Variants in MIER1 observed in about 807,000 individuals in gnomAD.
MIER1 encodes MIER1 transcriptional regulator.
In MIER1, 40 loss-of-function variants were observed where a neutral mutation model predicts 75.7. That is an observed-to-expected ratio of 0.53 (90% CI 0.41 to 0.69). The LOEUF is 0.69. MIER1 is among the 30% of genes least tolerant of loss of function. The pLI, the probability that MIER1 is intolerant of heterozygous loss-of-function variation, is 0.00. For missense variants in MIER1, 574 were observed against 680.2 expected (o/e 0.84, Z 1.74); for synonymous variants, 213 against 223.4 (o/e 0.95, Z 0.42).
chr1:66,941,427 A>G (rs981796205), intron 3 of MIER1, among the ~76,000 whole-genome samples: 1 of 149,470 alleles, frequency 6.7e-6, no homozygotes, highest in Non-Finnish European at 1.5e-5. Flanking sequence ...ATTATTTCCG[A>G]TTTTTTTTTT....
chr1:66,962,416 C>A (rs558424433), intron 7 of MIER1, among the ~76,000 whole-genome samples: 11 of 152,250 alleles, frequency 7.2e-5, no homozygotes, highest in African/African-American at 2.6e-4. Context: ...TTTCAGACTT[C>A]AGTCTATGTC....
chr1:66,970,801 A>G lies in MIER1; in HGVS notation c.773-7A>G. The G allele has an allele frequency of 6.5e-7, 1 of 1,535,494 alleles. No individual in the cohort carries two copies. The highest frequency in any genetic ancestry group is 8.7e-7 in the Non-Finnish European group (1 of 1,147,530). ...AATTTGTTTAACATTGTCTTTTACT[A>G]ATTTAGTATATGAAAATGATGATCA... On this transcript the variant is annotated splice_polypyrimidine_tract_variant and splice_region_variant and intron_variant, in intron 8 of 13. Coordinates refer to ENST00000401041, the MANE Select transcript of MIER1 (RefSeq NM_001077700.3).
At chr1:66,977,350 T>C (rs1439120024) in intron 12 of MIER1, among the ~76,000 whole-genome samples, 3 of 152,114 alleles carry the variant, frequency 2.0e-5, no homozygotes, top group Non-Finnish European at 2.9e-5. Context: ...CCTCAAATGA[T>C]CCACCTGCCT....
intron 6 of MIER1, 51 bp from the exon 7 acceptor site, chr1:66,959,628 T>G (rs2985794): frequency 0.76 from 660,045 of 866,350 alleles, 253,447 homozygotes; most frequent in East Asian, 0.91. Flanking sequence ...ATATGTAGAT[T>G]TAGACAGGAT....
intron 8 of MIER1, among the ~76,000 whole-genome samples, chr1:66,969,545 CAAAAAAAAAAAAAAA>C (rs35924256): frequency 6.1e-4 from 39 of 63,544 alleles, no homozygotes; most frequent in East Asian, 1.9e-3. Flanking sequence ...ACTTCGTCTC[CAAAAAAAAAAAAAAA>C]AAAAAAAAAA....
intron 10 of MIER1, 71 bp downstream of exon 10, chr1:66,971,807 G>A: frequency 1.3e-6 from 1 of 767,318 alleles, no homozygotes; most frequent in Non-Finnish European, 2.1e-6. Flanking sequence ...GTTTACCTAG[G>A]TATAGCCTAA....
At chr1:66,971,040 T>C in intron 9 of MIER1, 81 bp downstream of exon 9, 1 of 1,334,918 alleles carries the variant, frequency 7.5e-7, no homozygotes, top group Non-Finnish European at 1.0e-6. Flanking sequence ...GTTGTTATTC[T>C]GTCCACCAAA....
chr1:66,941,879 A>AG (rs1656297921), intron 3 of MIER1, among the ~76,000 whole-genome samples: 1 of 151,360 alleles, frequency 6.6e-6, no homozygotes, highest in African/African-American at 2.4e-5. Flanking sequence ...CTGAGGTGGG[A>AG]GAATCCTTTA....
intron 2 of MIER1, among the ~76,000 whole-genome samples, chr1:66,939,670 C>G (rs2101243151): frequency 6.6e-6 from 1 of 152,118 alleles, no homozygotes; most frequent in South Asian, 2.1e-4. Context: ...GTTCATAGTT[C>G]TGTGTTGATA....
chr1:66,980,733 A>C (rs1013565975), intron 12 of MIER1, among the ~76,000 whole-genome samples: 1 of 152,010 alleles, frequency 6.6e-6, no homozygotes, highest in Non-Finnish European at 1.5e-5. Flanking sequence ...CAACTTAGGT[A>C]CCAGTGGTGC....
intron 4 of MIER1, chr1:66,948,077 G>A: frequency 1.0e-6 from 1 of 956,496 alleles, no homozygotes; most frequent in Non-Finnish European, 1.2e-6. Flanking sequence ...GTAATTGTTT[G>A]TTTAATTTAT....
chr1:66,961,647 A>G (rs1259136875), intron 7 of MIER1, among the ~76,000 whole-genome samples: 1 of 152,158 alleles, frequency 6.6e-6, no homozygotes, highest in Admixed American at 6.5e-5. Context: ...TCATTCATAG[A>G]TTCTAATTTA....
At chr1:66,940,166 T>G in intron 3 of MIER1, 114 bp downstream of exon 3, 2 of 698,628 alleles carry the variant, frequency 2.9e-6, no homozygotes, top group Non-Finnish European at 4.8e-6. Context: ...TCTGAATGCT[T>G]CTTTTCTCTG....
In MIER1 at chr1:66,946,190, A is replaced by T. The variant is rs1455392845; in HGVS notation, c.234A>T (p.Ser78=). 7 of 1,611,770 alleles carry T rather than the reference A, an allele frequency of 4.3e-6. No homozygotes were observed. Among genetic ancestry groups the T allele is most frequent in the Non-Finnish European group, 5.9e-6 (7 of 1,179,564 alleles). ...CAGATGACCATGAATTTGATCCATC[A>T]GCTGACATGCTGGTTCATGATTTTG... ...ATSDDHEFDP[S]ADMLVHDFDD... The change falls in exon 4 of 14, where the codon TCA becomes TCT. Residue 78 remains serine (S), a synonymous_variant. Transcript: ENST00000401041.
chr1:66,940,141 C>T, intron 3 of MIER1, 89 bp downstream of exon 3: 1 of 929,592 alleles, frequency 1.1e-6, no homozygotes, highest in Non-Finnish European at 1.7e-6. Context: ...AGACTATTAT[C>T]TGACTTGCTT....
Position 66,984,812 on chromosome 1 carries a change from A to C in MIER1, c.1610A>C (p.Asn537Thr), listed in dbSNP as rs776835696. The C allele has an allele frequency of 2.5e-6, 4 of 1,613,642 alleles. No homozygotes were observed. The highest frequency in any genetic ancestry group is 3.4e-6 in the Non-Finnish European group (4 of 1,179,838). Reference sequence around the variant, plus strand: ...GCCAAAAGGCGAAGGGTAAACAGCAATGGAAAAGAAAGTCCAGGTTCTTCT... The same window carrying C: ...GCCAAAAGGCGAAGGGTAAACAGCACTGGAAAAGAAAGTCCAGGTTCTTCT... ...RPAKRRRVNSNGKESPGSSEF... is the reference protein window; with the variant it reads ...RPAKRRRVNSTGKESPGSSEF... The change falls in exon 14 of 14, where the codon AAT becomes ACT. Residue 537 changes from asparagine (N) to threonine (T), a missense_variant. Asn to Thr is a moderately conservative substitution (Grantham distance 65). This residue lies in a region of MIER1 where 164 missense variants were observed against 154.3 expected (regional missense o/e 1.06). Coordinates refer to ENST00000401041, the MANE Select transcript of MIER1 (RefSeq NM_001077700.3).
At chr1:66,973,852 T>C (rs1255701801) in intron 11 of MIER1, among the ~76,000 whole-genome samples, 1 of 152,122 alleles carries the variant, frequency 6.6e-6, no homozygotes, top group East Asian at 1.9e-4. Flanking sequence ...TCCTTAAAGA[T>C]AGCTTCTAAG....
intron 8 of MIER1, among the ~76,000 whole-genome samples, chr1:66,967,727 T>C (rs1420824029): frequency 6.6e-6 from 1 of 152,030 alleles, no homozygotes; most frequent in Non-Finnish European, 1.5e-5. Flanking sequence ...ACTTCTTCGG[T>C]TAATTTCTAG....
intron 13 of MIER1, among the ~76,000 whole-genome samples, chr1:66,982,291 C>T (rs1666043935): frequency 6.6e-6 from 1 of 152,060 alleles, no homozygotes; most frequent in African/African-American, 2.4e-5. Flanking sequence ...TTGCAAAATA[C>T]CTTGATGTAA....
Sources: allele counts gnomAD v4.1 joint callset (sites outside exome capture counted in the v4.1 genomes callset), GRCh38; gene constraint gnomAD v4.1.1; regional missense constraint gnomAD v4.1.1; transcripts MANE v1.5; gene names NCBI Gene and HGNC (gene_info 2026-07-23, HGNC 2026-07-21).